Variants in PDE10A observed in about 807,000 individuals in gnomAD.
PDE10A encodes phosphodiesterase 10A, also known as cAMP and cAMP-inhibited cGMP 3',5'-cyclic phosphodiesterase 10A.
PDE10A carries 39 observed loss-of-function variants against 97.7 expected under a neutral mutation model. That is an observed-to-expected ratio of 0.40 (90% CI 0.31 to 0.52). PDE10A has a LOEUF of 0.52. PDE10A is among the 20% of genes least tolerant of loss of function. The pLI, the probability that PDE10A is intolerant of heterozygous loss-of-function variation, is 0.56. For synonymous variants in PDE10A, 371 were observed against 376.8 expected (o/e 0.98, Z 0.18); for missense variants, 731 against 1,047.8 (o/e 0.70, Z 4.17).
Position 165,806,042 on chromosome 6 carries a change from T to TAAAAAA in PDE10A, c.-615+181481_-615+181486dup, listed in dbSNP as rs67104260. ...AAATGATTTGTAGTTGCTTGATTAT[T>TAAAAAA]AAAAAAAAAAAAAAAAAAAAAAAAA... On this transcript the variant is annotated intron_variant, in intron 1 of 19. Transcript: ENST00000366882. Among the ~76,000 whole-genome samples the TAAAAAA allele has an allele frequency of 1.2e-3, 91 of 73,138 alleles. 3 individuals carry two copies. The highest frequency in any genetic ancestry group is 4.7e-3 in the African/African-American group (85 of 17,912). The allele number at this position is 73,138 out of a possible 152,430, so 48.0% of individuals were successfully genotyped here. A position where few individuals can be genotyped will look rare whatever the true frequency, so the allele number is the denominator to read the frequency against.
At chr6:165,697,894 T>C (rs1405642210) in intron 1 of PDE10A, among the ~76,000 whole-genome samples, 1 of 152,166 alleles carries the variant, frequency 6.6e-6, no homozygotes, top group African/African-American at 2.4e-5. Flanking sequence ...ATTTTAAATA[T>C]CAATTGCAAC....
At chr6:165,545,637 T>C (rs1419155284) in intron 1 of PDE10A, among the ~76,000 whole-genome samples, 1 of 152,054 alleles carries the variant, frequency 6.6e-6, no homozygotes, top group Non-Finnish European at 1.5e-5. Flanking sequence ...GTAAAGAAGA[T>C]ATAGATATGG....
chr6:165,958,747 G>GAAAGAAAGAAAGAAAGAC (rs10654760), intron 1 of PDE10A, among the ~76,000 whole-genome samples: 9 of 106,230 alleles, frequency 8.5e-5, no homozygotes, highest in African/African-American at 3.1e-4. Flanking sequence ...AAGAAAGAAA[G>GAAAGAAAGAAAGAAAGAC]AGAAAGAAAG....
At chr6:165,636,391 G>T (rs1788878518) in intron 1 of PDE10A, among the ~76,000 whole-genome samples, 1 of 152,236 alleles carries the variant, frequency 6.6e-6, no homozygotes, top group Middle Eastern at 3.4e-3. Flanking sequence ...AATATGACTT[G>T]CCAAGTTACA....
intron 1 of PDE10A, chr6:165,545,161 A>G: frequency 2.0e-6 from 1 of 500,750 alleles, no homozygotes; most frequent in South Asian, 1.5e-5. Context: ...TGCCACTCCC[A>G]TGACACAAGG....
chr6:165,576,580 T>C, intron 1 of PDE10A: 1 of 672,206 alleles, frequency 1.5e-6, no homozygotes, highest in East Asian at 2.5e-5. Context: ...AACTAACAGA[T>C]AATTCTCAGC....
intron 1 of PDE10A, among the ~76,000 whole-genome samples, chr6:165,852,604 C>A (rs1250264634): frequency 3.3e-5 from 5 of 152,202 alleles, no homozygotes; most frequent in Non-Finnish European, 7.3e-5. Flanking sequence ...CGTAGGACTG[C>A]CTTTCCCACT....
intron 1 of PDE10A, among the ~76,000 whole-genome samples, chr6:165,760,404 C>T (rs1485911698): frequency 6.6e-6 from 1 of 152,142 alleles, no homozygotes; most frequent in Admixed American, 6.5e-5. Context: ...TTTCTCAGTT[C>T]AGCTGCCATA....
At chr6:165,904,671 A>G (rs1275613812) in intron 1 of PDE10A, among the ~76,000 whole-genome samples, 1 of 152,240 alleles carries the variant, frequency 6.6e-6, no homozygotes, top group Non-Finnish European at 1.5e-5. Flanking sequence ...ATGTAAACAT[A>G]AGAAAAGAAG....
chr6:165,456,915 T>C (rs1777986637), intron 3 of PDE10A, among the ~76,000 whole-genome samples: 1 of 152,212 alleles, frequency 6.6e-6, no homozygotes, highest in African/African-American at 2.4e-5. Flanking sequence ...TCTACATAGT[T>C]AACAAATCAC....
intron 1 of PDE10A, among the ~76,000 whole-genome samples, chr6:165,987,086 T>C (rs1255420980): frequency 6.6e-6 from 1 of 151,992 alleles, no homozygotes; most frequent in African/African-American, 2.4e-5. Context: ...GAAGTTGCGG[T>C]GCACACACCA....
chr6:165,809,188 G>T (rs1335886641), intron 1 of PDE10A, among the ~76,000 whole-genome samples: 1 of 152,202 alleles, frequency 6.6e-6, no homozygotes, highest in Non-Finnish European at 1.5e-5. Flanking sequence ...AATTAAGCTT[G>T]TTCTTCCCTA....
At chr6:165,547,973 A>C (rs1320145903) in intron 1 of PDE10A, among the ~76,000 whole-genome samples, 1 of 152,106 alleles carries the variant, frequency 6.6e-6, no homozygotes, top group African/African-American at 2.4e-5. Flanking sequence ...GATTTTGCCT[A>C]TTCACGCATA....
intron 1 of PDE10A, among the ~76,000 whole-genome samples, chr6:165,888,056 G>T (rs6901950): frequency 0.25 from 38,034 of 151,890 alleles, 5,612 homozygotes; most frequent in African/African-American, 0.41. Flanking sequence ...GCTCCTTAAG[G>T]TCTTTGCACT....
At chr6:165,337,445 T>C (rs1781716901) in intron 20 of PDE10A, among the ~76,000 whole-genome samples, 1 of 152,246 alleles carries the variant, frequency 6.6e-6, no homozygotes, top group African/African-American at 2.4e-5. Flanking sequence ...AAGTCTATCG[T>C]CATAGCACTC....
intron 21 of PDE10A, 97 bp downstream of exon 21, chr6:165,336,026 C>T: frequency 2.1e-6 from 2 of 965,054 alleles, no homozygotes; most frequent in South Asian, 2.7e-5. Context: ...TCTAGACAAA[C>T]ACACAGACCA....
intron 2 of PDE10A, among the ~76,000 whole-genome samples, chr6:165,512,252 T>G (rs926145201): frequency 3.3e-5 from 5 of 151,954 alleles, no homozygotes; most frequent in Admixed American, 6.6e-5. Context: ...TGCTTCCAGT[T>G]TAGGACTTCC....
At position 165,524,402 on chromosome 6, in the gene PDE10A, T is replaced by C. The variant is rs1782305440; in HGVS notation, c.994+19038A>G. Among the ~76,000 whole-genome samples, 4 of 152,262 alleles carry C rather than the reference T, an allele frequency of 2.6e-5. No homozygotes were observed. In the South Asian group the frequency reaches 6.2e-4, roughly 24 times the overall value. On this transcript the variant is annotated intron_variant, in intron 2 of 21. Coordinates refer to ENST00000539869, the MANE Select transcript of PDE10A (RefSeq NM_001385079.1). ...CTTCTAACAATATGGAGAACACCAATAGTCCTTGGCATAAACTGTTTAGAA... is the reference window on the plus strand; with the variant it reads ...CTTCTAACAATATGGAGAACACCAACAGTCCTTGGCATAAACTGTTTAGAA...
At chr6:165,439,338 C>T (rs1383966750) in intron 5 of PDE10A, among the ~76,000 whole-genome samples, 1 of 152,134 alleles carries the variant, frequency 6.6e-6, no homozygotes, top group Admixed American at 6.5e-5. Flanking sequence ...TTAATTAGGA[C>T]AAGCATCTTT....
Sources: allele counts gnomAD v4.1 joint callset (sites outside exome capture counted in the v4.1 genomes callset), GRCh38; gene constraint gnomAD v4.1.1; transcripts MANE v1.5; gene names NCBI Gene and HGNC (gene_info 2026-07-23, HGNC 2026-07-21).